Variants in ALDH1A1 observed in about 807,000 individuals in gnomAD.
The protein encoded by ALDH1A1 is aldehyde dehydrogenase 1 family member A1.
A neutral mutation model predicts 62.1 loss-of-function variants in ALDH1A1; 19 were observed. That is an observed-to-expected ratio of 0.31 (90% confidence interval 0.21 to 0.45). The LOEUF (loss-of-function observed/expected upper bound fraction) is 0.45. Ranked by LOEUF, ALDH1A1 falls within the 20% of genes least tolerant of loss-of-function variation. The pLI is 1.00. For synonymous variants in ALDH1A1, 231 were observed against 215.9 expected, an observed-to-expected ratio of 1.07 and a Z score of -0.61; for missense variants, 521 against 607.1, an observed-to-expected ratio of 0.86 and a Z score of 1.49.
At chr9:72,907,582 C>T (rs1219299053) in intron 11 of ALDH1A1, among the ~76,000 whole-genome samples, 3 of 152,112 alleles carry the variant, frequency 2.0e-5, no homozygotes, top group African/African-American at 7.2e-5. Flanking sequence ...TTACTGTCAA[C>T]TAGAAATGAA....
intron 7 of ALDH1A1, among the ~76,000 whole-genome samples, chr9:72,920,565 T>C (rs1397940572): frequency 6.6e-6 from 1 of 152,216 alleles, no homozygotes; most frequent in Non-Finnish European, 1.5e-5. Flanking sequence ...TAAAATCAAA[T>C]ATATTTTTGT....
Position 72,930,958 on chromosome 9 carries a change from C to T in ALDH1A1, c.233G>A (p.Arg78His), listed in dbSNP as rs1290334731. 9 of 1,614,012 alleles carry T rather than the reference C, an allele frequency of 5.6e-6. No individual in the cohort carries two copies. In the East Asian group the frequency reaches 8.9e-5, roughly 16 times the overall value. ...RQAFQIGSPWRTMDASERGRL... is the reference protein window; with the variant it reads ...RQAFQIGSPWHTMDASERGRL... ...CCCCCTCTCGGAAGCATCCATAGTA[C>T]GCCACGGGGATCCAATCTGAAAAGC... is the stretch of plus-strand genomic sequence containing the variant. The change falls in exon 3 of 13, where the codon CGT becomes CAT. Residue 78 changes from arginine (R) to histidine (H), a missense_variant. Coordinates refer to ENST00000297785, the MANE Select transcript of ALDH1A1 (RefSeq NM_000689.5).
chr9:72,912,249 C>T (rs1361156844), intron 9 of ALDH1A1, 127 bp from the exon 10 acceptor site: 2 of 705,188 alleles, frequency 2.8e-6, no homozygotes, highest in Non-Finnish European at 4.6e-6. Context: ...TGAATCGAAA[C>T]AGCTAACAGA....
chr9:72,916,490 G>A (rs1480330460), intron 9 of ALDH1A1, among the ~76,000 whole-genome samples: 1 of 152,126 alleles, frequency 6.6e-6, no homozygotes, highest in Non-Finnish European at 1.5e-5. Context: ...CAGAGTAACC[G>A]ATGACTTGCA....
intron 1 of ALDH1A1, among the ~76,000 whole-genome samples, chr9:72,945,538 G>A (rs895979589): frequency 6.6e-6 from 1 of 151,970 alleles, no homozygotes; most frequent in East Asian, 1.9e-4. Flanking sequence ...AGCATAGGCT[G>A]CATGGGTGGT....
At chr9:72,911,602 C>G (rs979365354) in intron 10 of ALDH1A1, among the ~76,000 whole-genome samples, 2 of 152,108 alleles carry the variant, frequency 1.3e-5, no homozygotes, top group Admixed American at 1.3e-4. Context: ...AAAGTGAGAC[C>G]CTGCGGTATT....
Position 72,914,097 on chromosome 9 carries a change from T to G in ALDH1A1, c.1036-1975A>C, listed in dbSNP as rs552414532. Among the ~76,000 whole-genome samples, 2 of 152,218 alleles carry G rather than the reference T, an allele frequency of 1.3e-5. 1 individual carries two copies. Among genetic ancestry groups the G allele is most frequent in the South Asian group, 4.1e-4 (2 of 4,822 alleles). On this transcript the variant is annotated intron_variant, in intron 9 of 12. Transcript: ENST00000297785. The stretch of plus-strand genomic sequence containing the variant: ...TTGGCCTATGGGCTAGTCTATGAAA[T>G]GTATTAGGTAGGTCATGATATGGTA...
chr9:72,949,092 A>G (rs1173155438), intron 1 of ALDH1A1, among the ~76,000 whole-genome samples: 2 of 151,882 alleles, frequency 1.3e-5, no homozygotes, highest in Non-Finnish European at 2.9e-5. Context: ...TACTCTAACC[A>G]AAATCGATTC....
intron 11 of ALDH1A1, among the ~76,000 whole-genome samples, chr9:72,907,294 C>A (rs1044287720): frequency 2.0e-5 from 3 of 152,110 alleles, no homozygotes; most frequent in African/African-American, 7.2e-5. Context: ...GAGTAAACTT[C>A]CTGCAACTCT....
intron 2 of ALDH1A1, among the ~76,000 whole-genome samples, chr9:72,932,959 G>C (rs1410336180): frequency 2.0e-5 from 3 of 152,168 alleles, no homozygotes; most frequent in Non-Finnish European, 4.4e-5. Context: ...AAGGGATACG[G>C]AGAACTGGCT....
intron 11 of ALDH1A1, among the ~76,000 whole-genome samples, chr9:72,907,793 A>G (rs1279566146): frequency 6.6e-6 from 1 of 152,220 alleles, no homozygotes; most frequent in Non-Finnish European, 1.5e-5. Context: ...TATCTTCAGT[A>G]AGTGGCGATA....
intron 2 of ALDH1A1, among the ~76,000 whole-genome samples, chr9:72,932,881 C>T (rs540165729): frequency 2.0e-5 from 3 of 152,282 alleles, no homozygotes; most frequent in African/African-American, 7.2e-5. Context: ...TCATTTGGAT[C>T]TTTCTGTTCA....
intron 1 of ALDH1A1, among the ~76,000 whole-genome samples, chr9:72,944,377 G>A (rs1421699457): frequency 6.6e-6 from 1 of 152,086 alleles, no homozygotes; most frequent in Non-Finnish European, 1.5e-5. Flanking sequence ...TTTGGCATAG[G>A]TAATGTGATG....
intron 1 of ALDH1A1, 75 bp from the exon 2 acceptor site, chr9:72,940,327 A>C (rs555029843): frequency 3.8e-6 from 4 of 1,049,848 alleles, no homozygotes; most frequent in Non-Finnish European, 5.9e-6. Flanking sequence ...ATAAACTTAA[A>C]CTAAAGCATT....
chr9:72,906,230 A>G (rs1351019838), intron 11 of ALDH1A1, among the ~76,000 whole-genome samples, 198 bp from the exon 12 acceptor site: 2 of 152,182 alleles, frequency 1.3e-5, no homozygotes, highest in Admixed American at 1.3e-4. Context: ...AAACAAATAG[A>G]ATAGTGCAAC....
At chr9:72,925,385 C>G (rs1010696540) in intron 6 of ALDH1A1, 99 bp downstream of exon 6, 1 of 1,394,134 alleles carries the variant, frequency 7.2e-7, no homozygotes, top group Non-Finnish European at 9.7e-7. Context: ...CAGGAGCCAT[C>G]TGTAAATAAT....
Position 72,930,968 on chromosome 9 carries a change from A to T in ALDH1A1, c.223T>A (p.Ser75Thr). 1 of 1,614,036 alleles carries T rather than the reference A, an allele frequency of 6.2e-7. No individual in the cohort carries two copies. Among genetic ancestry groups the T allele is most frequent in the East Asian group, 2.2e-5 (1 of 44,872 alleles). ...KAARQAFQIG[S>T]PWRTMDASER... The stretch of plus-strand genomic sequence containing the variant: ...GAAGCATCCATAGTACGCCACGGGG[A>T]TCCAATCTGAAAAGCCTGTCTTGCG... Residue 75 changes from serine (S) to threonine (T), a missense_variant, in exon 3 of 13, where the codon TCC becomes ACC. By Grantham distance (58) the Ser-to-Thr change is moderately conservative (BLOSUM62 1). Coordinates refer to ENST00000297785, the MANE Select transcript of ALDH1A1 (RefSeq NM_000689.5).
intron 2 of ALDH1A1, among the ~76,000 whole-genome samples, chr9:72,938,552 T>G (rs986380130): frequency 2.6e-5 from 4 of 152,166 alleles, no homozygotes; most frequent in Non-Finnish European, 5.9e-5. Context: ...GTTCAAGTGA[T>G]TCTCCTACCT....
At chr9:72,934,713 A>G (rs909526299) in intron 2 of ALDH1A1, among the ~76,000 whole-genome samples, 10 of 152,314 alleles carry the variant, frequency 6.6e-5, no homozygotes, top group African/African-American at 2.2e-4. Context: ...GCTACTAGCT[A>G]AGAGCCTACT....
Sources: gnomAD v4.1 joint callset for allele counts (sites outside exome capture counted in the v4.1 genomes callset) on GRCh38, gnomAD v4.1.1 for gene constraint, MANE v1.5 for transcripts, NCBI Gene and HGNC (gene_info 2026-07-23, HGNC 2026-07-21) for gene names.